Variants in CPS1 observed in about 807,000 individuals in gnomAD.
The protein encoded by CPS1 is carbamoyl-phosphate synthase [ammonia], mitochondrial.
In CPS1, 109 loss-of-function variants were observed where a neutral mutation model predicts 174.6. The observed-to-expected ratio is 0.62, with a 90% CI of 0.53 to 0.73. The LOEUF is 0.73. CPS1 is among the 30% of genes least tolerant of loss of function. The probability of loss-of-function intolerance (pLI) is 0.00; values close to 1 mark genes in which losing one functional copy is unlikely to be tolerated. For synonymous variants in CPS1, 637 were observed against 632.0 expected (o/e 1.01, Z -0.12); for missense variants, 1,689 against 1,821.9 (o/e 0.93, Z 1.33).
chr2:210,648,631 AT>A, intron 27 of CPS1, 91 bp downstream of exon 27: 2 of 1,004,406 alleles, frequency 2.0e-6, no homozygotes, highest in South Asian at 2.6e-5. Flanking sequence ...AGGGTTCTAT[AT>A]GTAGTAATTT....
At chr2:210,596,242 C>T (rs530126882) in intron 13 of CPS1, among the ~76,000 whole-genome samples, 31 of 151,924 alleles carry the variant, frequency 2.0e-4, no homozygotes, top group African/African-American at 7.0e-4. Context: ...AGAAAAATTC[C>T]GTTGTATATT....
intron 24 of CPS1, 29 bp downstream of exon 24, chr2:210,640,088 A>G (rs1700172334): frequency 7.6e-7 from 1 of 1,313,466 alleles, no homozygotes; most frequent in South Asian, 1.2e-5. Context: ...TGTATATAGG[A>G]CTTTACACAA....
At chr2:210,673,739 C>T (rs772811898) in intron 34 of CPS1, 3 of 152,106 alleles carry the variant, frequency 2.0e-5, no homozygotes, top group Non-Finnish European at 2.9e-5. Context: ...ATAGTAGTAA[C>T]ACTTAAGTAG....
intron 33 of CPS1, among the ~76,000 whole-genome samples, chr2:210,664,185 C>G (rs1169520208): frequency 2.6e-5 from 4 of 152,100 alleles, no homozygotes; most frequent in African/African-American, 9.7e-5. Flanking sequence ...AATGAAGGCA[C>G]TATGTACGTT....
chr2:210,647,970 C>G lies in CPS1; in HGVS notation c.3249C>G (p.Ile1083Met). 6.2e-7 allele frequency: 1 copy of G among 1,614,012 alleles called. No homozygotes were observed. Among genetic ancestry groups the G allele is most frequent in the Non-Finnish European group, 8.5e-7 (1 of 1,179,950 alleles). Residue 1083 changes from isoleucine (I) to methionine (M), a missense_variant, in exon 26 of 38, where the codon ATC becomes ATG. Coordinates refer to ENST00000233072, the MANE Select transcript of CPS1 (RefSeq NM_001875.5). The stretch of plus-strand genomic sequence containing the variant: ...TCATGGGCACAAGCCCCCTGCAGAT[C>G]GACAGGGCTGAGGATCGCTCCATCT... ...VKIMGTSPLQ[I>M]DRAEDRSIFS...
At chr2:210,570,107 C>G (rs549211524) in intron 1 of CPS1, among the ~76,000 whole-genome samples, 3 of 151,816 alleles carry the variant, frequency 2.0e-5, no homozygotes, top group African/African-American at 7.3e-5. Context: ...TCAATTGGCA[C>G]TCATCATTTT....
chr2:210,653,645 T>C (rs184225511), intron 28 of CPS1, among the ~76,000 whole-genome samples: 1 of 152,258 alleles, frequency 6.6e-6, no homozygotes, highest in Non-Finnish European at 1.5e-5. Context: ...GAAAGAAATA[T>C]TCTGAACCAA....
intron 1 of CPS1, among the ~76,000 whole-genome samples, chr2:210,548,249 A>G (rs1190094918): frequency 6.6e-6 from 1 of 152,012 alleles, no homozygotes; most frequent in African/African-American, 2.4e-5. Context: ...CAAAATTTCT[A>G]TCATTACTGC....
intron 29 of CPS1, among the ~76,000 whole-genome samples, chr2:210,656,225 TA>T (rs2105917364): frequency 6.6e-6 from 1 of 152,340 alleles, no homozygotes; most frequent in South Asian, 2.1e-4. Flanking sequence ...TTTAGCTTCC[TA>T]TCCTGTTCTT....
At chr2:210,519,248 TAATCCC>T (rs1416050896) in intron 1 of CPS1, among the ~76,000 whole-genome samples, 2 of 152,058 alleles carry the variant, frequency 1.3e-5, no homozygotes, top group East Asian at 1.9e-4. Flanking sequence ...GCCCAAGGTG[TAATCCC>T]ACTTTCTGAA....
intron 17 of CPS1, among the ~76,000 whole-genome samples, chr2:210,605,996 CA>C (rs1698894780): frequency 6.6e-6 from 1 of 151,846 alleles, no homozygotes; most frequent in Non-Finnish European, 1.5e-5. Context: ...AGTACTGTAC[CA>C]ACTAAGCCAA....
Position 210,594,538 on chromosome 2 carries a change from A to C in CPS1, c.1195A>C (p.Lys399Gln). 2 of 1,611,096 alleles carry C rather than the reference A, an allele frequency of 1.2e-6. No homozygotes were observed. The highest frequency in any genetic ancestry group is 1.7e-6 in the Non-Finnish European group (2 of 1,178,164). The change falls in exon 12 of 38, where the codon AAG (lysine) becomes CAG (glutamine). Residue 399 changes from lysine to glutamine, a missense_variant. Physicochemically the swap from Lys to Gln is moderately conservative, Grantham distance 53. Transcript: ENST00000233072. ...GTTTGATTCCTTTTTCTCACTGATA[A>C]AGAAAGGAAAAGCTACCACCATTAC... ...YLFDSFFSLI[K>Q]KGKATTITSV...
Position 210,595,432 on chromosome 2 carries a change from C to T in CPS1, c.1264-55C>T, listed in dbSNP as rs1319313451. ...TTTGTCTTCTCCAATCTTGAAAATG[C>T]CTTATTTCCCCCATTTTAGCAGTAA... On this transcript the variant is annotated intron_variant, in intron 12 of 37. Coordinates refer to ENST00000233072, the MANE Select transcript of CPS1 (RefSeq NM_001875.5). 1.6e-6 allele frequency: 2 copies of T among 1,236,762 alleles called. 1 individual carries two copies. Among genetic ancestry groups the T allele is most frequent in the South Asian group, 2.4e-5 (2 of 83,558 alleles). The allele number at this position is 1,236,762 out of a possible 1,614,324, so 76.6% of individuals were successfully genotyped here.
Position 210,592,175 on chromosome 2 carries a change from C to T in CPS1, c.1086+206C>T, listed in dbSNP as rs191997933. Among the ~76,000 whole-genome samples, 645 of 152,118 alleles carry T rather than the reference C, an allele frequency of 4.2e-3. 2 individuals carry two copies. The highest frequency in any genetic ancestry group is 6.4e-3 in the Non-Finnish European group (435 of 67,966). On this transcript the variant is annotated intron_variant, in intron 10 of 37. Transcript: ENST00000233072. ...TTGAGAACATTTCAAATCTTCTCTT[C>T]TAGCTGTTTTGAAATATGCAATAAA...
At chr2:210,648,404 A>T (rs777709616) in intron 26 of CPS1, 69 bp from the exon 27 acceptor site, 103 of 1,324,264 alleles carry the variant, frequency 7.8e-5, no homozygotes, top group Admixed American at 3.7e-4. Flanking sequence ...CGAGCTAATG[A>T]TACATTCTGT....
chr2:210,509,658 A>C (rs1354586502), intron 1 of CPS1, among the ~76,000 whole-genome samples: 1 of 152,212 alleles, frequency 6.6e-6, no homozygotes, highest in African/African-American at 2.4e-5. Context: ...AATCTCCTTA[A>C]GCTGATAGGC....
intron 4 of CPS1, among the ~76,000 whole-genome samples, chr2:210,577,723 G>A (rs541134224): frequency 3.8e-4 from 58 of 152,234 alleles, no homozygotes; most frequent in African/African-American, 1.3e-3. Flanking sequence ...CCACTAGGTG[G>A]CACTCATACA....
At chr2:210,550,620 A>G (rs1261130753) in intron 1 of CPS1, among the ~76,000 whole-genome samples, 2 of 151,996 alleles carry the variant, frequency 1.3e-5, no homozygotes, top group African/African-American at 4.8e-5. Flanking sequence ...GCAAGATCAT[A>G]CTTATCATCA....
rs1701597553 is a variant in CPS1, at chr2:210,678,275, G to C, written c.*290G>C. 2.3e-6 allele frequency: 1 copy of C among 444,310 alleles called. No homozygotes were observed. The highest frequency in any genetic ancestry group is 4.2e-6 in the Non-Finnish European group (1 of 240,360). The allele number at this position is 444,310 out of a possible 1,614,324, so 27.5% of individuals were successfully genotyped here. A position where few individuals can be genotyped will look rare whatever the true frequency, so the allele number is the denominator to read the frequency against. ...TTATGTGTAGCTTTTTACTTTTTAT[G>C]GTGCTGATTAATGGTGATCAAGGTA... On this transcript the variant is annotated 3_prime_UTR_variant, in exon 38 of 38. Coordinates refer to ENST00000233072, the MANE Select transcript of CPS1 (RefSeq NM_001875.5).
Sources: gnomAD v4.1 joint callset for allele counts (sites outside exome capture counted in the v4.1 genomes callset) on GRCh38, gnomAD v4.1.1 for gene constraint, MANE v1.5 for transcripts, NCBI Gene and HGNC (gene_info 2026-07-23, HGNC 2026-07-21) for gene names.